Variants in ASIC2 observed in about 807,000 individuals in gnomAD.
ASIC2 encodes the protein acid sensing ion channel subunit 2, also known as acid-sensing ion channel 2.
In ASIC2, 25 loss-of-function variants were observed where a neutral mutation model predicts 57.3. The ratio of observed to expected loss-of-function variants is 0.44; its 90% confidence interval spans 0.32 to 0.61. The LOEUF (loss-of-function observed/expected upper bound fraction) is 0.61, where lower values mean the gene tolerates loss of function less well. Ranked by LOEUF, ASIC2 falls within the 20% of genes least tolerant of loss-of-function variation. ASIC2 has a pLI of 0.06. For missense variants in ASIC2, 641 were observed against 738.1 expected, an observed-to-expected ratio of 0.87 and a Z score of 1.52; for synonymous variants, 319 against 307.5, an observed-to-expected ratio of 1.04 and a Z score of -0.39.
intron 1 of ASIC2, among the ~76,000 whole-genome samples, chr17:34,137,168 T>G (rs975518679): frequency 6.6e-6 from 1 of 152,254 alleles, no homozygotes; most frequent in Non-Finnish European, 1.5e-5. Context: ...TGTATATCTG[T>G]AACCTTCTAA....
chr17:33,856,871 G>A (rs1035164229), intron 1 of ASIC2, among the ~76,000 whole-genome samples: 7 of 152,120 alleles, frequency 4.6e-5, no homozygotes, highest in Admixed American at 3.3e-4. Flanking sequence ...AGGTGAGGCT[G>A]AAACGGTGGC....
At chr17:33,574,513 T>A (rs1916556156) in intron 1 of ASIC2, among the ~76,000 whole-genome samples, 1 of 152,188 alleles carries the variant, frequency 6.6e-6, no homozygotes, top group South Asian at 2.1e-4. Flanking sequence ...TTGAAGGATC[T>A]TACTAGCATC....
At chr17:33,403,034 G>T (rs1426067841) in intron 1 of ASIC2, among the ~76,000 whole-genome samples, 1 of 152,130 alleles carries the variant, frequency 6.6e-6, no homozygotes, top group Non-Finnish European at 1.5e-5. Context: ...GACTTTGTAT[G>T]GTCAAAATAT....
chr17:34,011,476 TC>T (rs949165853), intron 1 of ASIC2, among the ~76,000 whole-genome samples: 7 of 151,836 alleles, frequency 4.6e-5, no homozygotes, highest in Non-Finnish European at 8.8e-5. Flanking sequence ...GTCTTTAACC[TC>T]CCCCTCCCAT....
chr17:33,324,416 G>C (rs1394678076), intron 1 of ASIC2, among the ~76,000 whole-genome samples: 2 of 152,116 alleles, frequency 1.3e-5, no homozygotes, highest in Non-Finnish European at 2.9e-5. Flanking sequence ...TGACAGTGCT[G>C]TTCTTATGAT....
intron 1 of ASIC2, among the ~76,000 whole-genome samples, chr17:33,273,933 C>T (rs1358218975): frequency 6.6e-6 from 1 of 152,124 alleles, no homozygotes; most frequent in African/African-American, 2.4e-5. Flanking sequence ...ACAAGTTCTG[C>T]CTGGTCATCA....
intron 1 of ASIC2, among the ~76,000 whole-genome samples, chr17:33,922,347 C>T (rs965135608): frequency 6.6e-6 from 1 of 151,214 alleles, no homozygotes; most frequent in Non-Finnish European, 1.5e-5. Flanking sequence ...TGTAGGATAA[C>T]CAACTTATTT....
intron 1 of ASIC2, among the ~76,000 whole-genome samples, chr17:33,501,192 G>A (rs746970970): frequency 3.3e-5 from 5 of 152,226 alleles, no homozygotes; most frequent in African/African-American, 4.8e-5. Flanking sequence ...TAATGGACAC[G>A]TGATGCCGGC....
intron 1 of ASIC2, among the ~76,000 whole-genome samples, chr17:33,159,959 A>C (rs561635863): frequency 2.0e-5 from 3 of 152,352 alleles, no homozygotes; most frequent in African/African-American, 7.2e-5. Flanking sequence ...CTGTAATCCC[A>C]GCACTTTGGG....
intron 1 of ASIC2, among the ~76,000 whole-genome samples, chr17:33,288,324 C>A (rs1905277284): frequency 6.6e-6 from 1 of 152,030 alleles, no homozygotes. Context: ...CCCAGGCAGA[C>A]AAAGCAGCAT....
At chr17:33,611,984 G>A (rs536551407) in intron 1 of ASIC2, among the ~76,000 whole-genome samples, 1 of 152,232 alleles carries the variant, frequency 6.6e-6, no homozygotes, top group Non-Finnish European at 1.5e-5. Context: ...GAGTCTGAAG[G>A]CCTGAGGACC....
chr17:34,081,464 G>A (rs1909879751), intron 1 of ASIC2, among the ~76,000 whole-genome samples: 1 of 152,182 alleles, frequency 6.6e-6, no homozygotes, highest in African/African-American at 2.4e-5. Flanking sequence ...AGCAATTCAG[G>A]TAGATGCCAC....
At chr17:33,074,252 A>T (rs1379822793) in intron 3 of ASIC2, among the ~76,000 whole-genome samples, 1 of 152,224 alleles carries the variant, frequency 6.6e-6, no homozygotes, top group African/African-American at 2.4e-5. Context: ...TTTCTACAGT[A>T]GCCATATAGT....
intron 1 of ASIC2, among the ~76,000 whole-genome samples, chr17:33,482,146 C>T (rs921787456): frequency 6.6e-6 from 1 of 152,246 alleles, no homozygotes; most frequent in African/African-American, 2.4e-5. Context: ...ATGTCACCCA[C>T]CTTGAACCCT....
At chr17:33,273,303 G>A (rs535465358) in intron 1 of ASIC2, among the ~76,000 whole-genome samples, 2 of 152,280 alleles carry the variant, frequency 1.3e-5, no homozygotes, top group African/African-American at 2.4e-5. Context: ...TATAGCTGGG[G>A]TTTCTAACCA....
rs1314039060 is a variant in ASIC2, at chr17:33,055,749, T to A, written c.988-27357A>T. 1.3e-5 allele frequency among the ~76,000 whole-genome samples: 2 copies of A among 152,278 alleles called. 1 individual carries two copies. Among genetic ancestry groups the A allele is most frequent in the Middle Eastern group, 6.8e-3 (2 of 294 alleles). On this transcript the variant is annotated intron_variant, in intron 3 of 9. Transcript: ENST00000225823. ...AGTTAAATTGAATCCCAGATGGCAC[T>A]GTTTGAGCCTTTCTGCCCTTGGCCT...
intron 1 of ASIC2, among the ~76,000 whole-genome samples, chr17:34,050,202 G>A (rs1908502218): frequency 6.6e-6 from 1 of 152,192 alleles, no homozygotes; most frequent in Non-Finnish European, 1.5e-5. Context: ...CTTCTCTCAT[G>A]AGACAAGAGT....
chr17:33,841,448 AG>A (rs1228718010), intron 1 of ASIC2, among the ~76,000 whole-genome samples: 3 of 152,256 alleles, frequency 2.0e-5, no homozygotes, highest in Non-Finnish European at 4.4e-5. Flanking sequence ...GAGGCAAGGC[AG>A]TTAGGCACAG....
intron 1 of ASIC2, among the ~76,000 whole-genome samples, chr17:33,434,379 G>A (rs1911531160): frequency 6.6e-6 from 1 of 152,082 alleles, no homozygotes; most frequent in Non-Finnish European, 1.5e-5. Flanking sequence ...CTGAAAAATT[G>A]TGCTTGAGTG....
Sources: gnomAD v4.1 joint callset for allele counts (sites outside exome capture counted in the v4.1 genomes callset) on GRCh38, gnomAD v4.1.1 for gene constraint, MANE v1.5 for transcripts, NCBI Gene and HGNC (gene_info 2026-07-23, HGNC 2026-07-21) for gene names.